The following CFAP43 variants were observed in gnomAD, a reference collection of about 807,000 sequenced individuals.
CFAP43 encodes the protein cilia and flagella associated protein 43.
Under a neutral mutation model 218.9 loss-of-function variants are expected in CFAP43, and 155 were observed. That is an observed-to-expected ratio of 0.71 (90% CI 0.62 to 0.81). The LOEUF (loss-of-function observed/expected upper bound fraction) is 0.81, where lower values mean the gene tolerates loss of function less well. CFAP43 is among the 30% of genes least tolerant of loss of function. The probability of loss-of-function intolerance (pLI) is 0.00; values close to 1 mark genes in which losing one functional copy is unlikely to be tolerated. For missense variants in CFAP43, 1,778 were observed against 1,954.3 expected (o/e 0.91, Z 1.70); for synonymous variants, 645 against 681.3 (o/e 0.95, Z 0.83).
intron 2 of CFAP43, among the ~76,000 whole-genome samples, chr10:104,229,987 T>C (rs1164517245): frequency 1.3e-5 from 2 of 152,236 alleles, no homozygotes; most frequent in Non-Finnish European, 2.9e-5. Flanking sequence ...CTGGGAATTT[T>C]GTTAAAATGC....
At chr10:104,145,622 TGAC>T (rs141870801) in intron 30 of CFAP43, 58 bp from the exon 31 acceptor site, 221,027 of 1,168,340 alleles carry the variant, frequency 0.19, 26,644 homozygotes, top group African/African-American at 0.58. Flanking sequence ...TTTTATTTGT[TGAC>T]AATACTCTTC....
At chr10:104,168,958 G>A (rs1197532388) in intron 20 of CFAP43, 110 bp from the exon 21 acceptor site, 2 of 840,350 alleles carry the variant, frequency 2.4e-6, no homozygotes, top group Non-Finnish European at 3.8e-6. Context: ...TTCAGTGGTA[G>A]AGTTTGTCTT....
At chr10:104,215,668 TTC>T (rs981469270) in intron 3 of CFAP43, among the ~76,000 whole-genome samples, 1 of 151,792 alleles carries the variant, frequency 6.6e-6, no homozygotes, top group East Asian at 1.9e-4. Context: ...CTCTGGCCAG[TTC>T]TCTCTCTCTC....
chr10:104,168,708 C>G lies in CFAP43; in HGVS notation c.2691+36G>C, dbSNP rs76061064. Reference sequence around the variant, plus strand: ...CTTTCCTGAGCTTTTGATGACAATTCTCATCAGGTTTTGTACCTAGGGTTC... The same window carrying G: ...CTTTCCTGAGCTTTTGATGACAATTGTCATCAGGTTTTGTACCTAGGGTTC... On this transcript the variant is annotated intron_variant, in intron 21 of 37. Coordinates refer to ENST00000357060, the MANE Select transcript of CFAP43 (RefSeq NM_025145.7). The G allele has an allele frequency of 2.6e-3, 3,938 of 1,497,406 alleles. 55 individuals are homozygous for G. In the African/African-American group the frequency reaches 0.038, roughly 14 times the overall value. 92.8% of individuals were successfully genotyped at this position (1,497,406 alleles called of 1,614,324 possible). A position where few individuals can be genotyped will look rare whatever the true frequency, so the allele number is the denominator to read the frequency against.
chr10:104,158,027 C>A (rs1208932418), intron 27 of CFAP43, among the ~76,000 whole-genome samples: 1 of 152,084 alleles, frequency 6.6e-6, no homozygotes, highest in African/African-American at 2.4e-5. Flanking sequence ...AAGCTCCGAA[C>A]ACTTTGAACA....
chr10:104,176,764 A>G (rs1472156969), intron 19 of CFAP43, among the ~76,000 whole-genome samples: 3 of 152,226 alleles, frequency 2.0e-5, no homozygotes, highest in African/African-American at 7.2e-5. Context: ...GAATGACTGC[A>G]TGGAACAGAG....
intron 2 of CFAP43, among the ~76,000 whole-genome samples, chr10:104,229,974 C>T (rs1393618935): frequency 6.6e-6 from 1 of 152,172 alleles, no homozygotes; most frequent in Non-Finnish European, 1.5e-5. Context: ...GCATATGAAT[C>T]ACCTGGGAAT....
intron 34 of CFAP43, among the ~76,000 whole-genome samples, chr10:104,134,234 C>T (rs549954639): frequency 5.9e-5 from 9 of 151,960 alleles, no homozygotes; most frequent in Admixed American, 2.0e-4. Flanking sequence ...CTCAACTATA[C>T]GGAAAATCAA....
chr10:104,180,037 G>T, intron 17 of CFAP43, 105 bp from the exon 18 acceptor site: 1 of 864,806 alleles, frequency 1.2e-6, no homozygotes, highest in Admixed American at 2.2e-5. Flanking sequence ...CTTTGTATTT[G>T]TTGCATTTTT....
chr10:104,194,892 G>C (rs614406), intron 10 of CFAP43, among the ~76,000 whole-genome samples: 71,719 of 152,052 alleles, frequency 0.47, 17,895 homozygotes, highest in African/African-American at 0.65. Context: ...AGATGAAGCA[G>C]CCAGGTGTCC....
At chr10:104,133,990 G>A (rs988623631) in intron 34 of CFAP43, among the ~76,000 whole-genome samples, 1 of 152,174 alleles carries the variant, frequency 6.6e-6, no homozygotes, top group Non-Finnish European at 1.5e-5. Context: ...GGGATTATAA[G>A]ATACATTTAA....
Position 104,171,421 on chromosome 10 carries a change from T to C in CFAP43, c.2586+989A>G, listed in dbSNP as rs548485206. On this transcript the variant is annotated intron_variant, in intron 20 of 37. Coordinates refer to ENST00000357060, the MANE Select transcript of CFAP43 (RefSeq NM_025145.7). Reference sequence around the variant, plus strand: ...TTTGACAAATCTCCTCATTTCTATATCTTCACCCCAGTCATTAATAAACAT... The same window carrying C: ...TTTGACAAATCTCCTCATTTCTATACCTTCACCCCAGTCATTAATAAACAT... 2.0e-5 allele frequency among the ~76,000 whole-genome samples: 3 copies of C among 152,336 alleles called. No individual in the cohort carries two copies. In the East Asian group the frequency reaches 5.8e-4, roughly 29 times the overall value.
In CFAP43 at chr10:104,130,216, C is replaced by A. The variant is rs2087113985; in HGVS notation, c.4921G>T (p.Ala1641Ser). ...GTCTGTAGTATTGAAATCTGTTCAGCTTGTTGTTTTGAAATATTTGTTAAC... is the reference window on the plus strand; with the variant it reads ...GTCTGTAGTATTGAAATCTGTTCAGATTGTTGTTTTGAAATATTTGTTAAC... ...QKLTNISKQQ[A>S]EQISILQTEV... is the part of the protein sequence containing the mutation. Residue 1641 changes from alanine (A) to serine (S), a missense_variant, in exon 38 of 38, where the codon GCT (alanine) becomes TCT (serine). Ala to Ser is a moderately conservative substitution (Grantham distance 99). This residue lies in a region of CFAP43 where 211 missense variants were observed against 230.6 expected (regional missense o/e 0.91). Transcript: ENST00000357060. The A allele has an allele frequency of 3.1e-6, 5 of 1,612,994 alleles. No individual in the cohort carries two copies. In the East Asian group the frequency reaches 1.1e-4, roughly 36 times the overall value.
At chr10:104,159,970 C>T (rs2088789396) in intron 27 of CFAP43, among the ~76,000 whole-genome samples, 1 of 152,138 alleles carries the variant, frequency 6.6e-6, no homozygotes, top group Non-Finnish European at 1.5e-5. Flanking sequence ...GCATTGCGGA[C>T]CAGCTCTAAG....
chr10:104,168,914 A>C, intron 20 of CFAP43, 66 bp from the exon 21 acceptor site: 86 of 1,309,516 alleles, frequency 6.6e-5, no homozygotes, highest in Non-Finnish European at 8.6e-5. Context: ...AATAATCTCC[A>C]TTGTAAACTC....
chr10:104,224,347 G>A (rs1421571440), intron 3 of CFAP43, among the ~76,000 whole-genome samples: 1 of 151,928 alleles, frequency 6.6e-6, no homozygotes, highest in East Asian at 1.9e-4. Context: ...CTGGCCGATG[G>A]ATGTATTTAT....
chr10:104,140,833 T>C lies in CFAP43; in HGVS notation c.4431+9A>G, dbSNP rs1589622432. On this transcript the variant is annotated intron_variant, in intron 34 of 37. Transcript: ENST00000357060. Reference sequence around the variant, plus strand: ...CTTGAATTAAAATAAAAATAAAAAGTATAATTACCCGAATCACAGAATTCA... The same window carrying C: ...CTTGAATTAAAATAAAAATAAAAAGCATAATTACCCGAATCACAGAATTCA... The C allele has an allele frequency of 1.3e-6, 2 of 1,581,428 alleles. No individual in the cohort carries two copies. Among genetic ancestry groups the C allele is most frequent in the Non-Finnish European group, 1.7e-6 (2 of 1,167,602 alleles).
chr10:104,203,484 G>A (rs1356986096), intron 8 of CFAP43, 188 bp downstream of exon 8: 3 of 487,452 alleles, frequency 6.2e-6, no homozygotes, highest in Non-Finnish European at 1.0e-5. Flanking sequence ...TCAGTTACAT[G>A]CACAAAAATA....
At chr10:104,162,150 G>A in intron 25 of CFAP43, 109 bp from the exon 26 acceptor site, 1 of 1,296,606 alleles carries the variant, frequency 7.7e-7, no homozygotes, top group Non-Finnish European at 1.1e-6. Context: ...ATTTGGGATT[G>A]GGGAAGGTAG....
Sources: gnomAD v4.1 joint callset for allele counts (sites outside exome capture counted in the v4.1 genomes callset) on GRCh38, gnomAD v4.1.1 for gene constraint, gnomAD v4.1.1 regional missense constraint, MANE v1.5 for transcripts, NCBI Gene and HGNC (gene_info 2026-07-23, HGNC 2026-07-21) for gene names.